Variants in KCNAB1 observed in about 807,000 individuals in gnomAD.
The protein encoded by KCNAB1 is voltage-gated potassium channel subunit beta-1.
Under a neutral mutation model 64.6 loss-of-function variants are expected in KCNAB1, and 35 were observed. The ratio of observed to expected loss-of-function variants is 0.54; its 90% CI spans 0.41 to 0.72. KCNAB1 has a LOEUF of 0.72. KCNAB1 is among the 30% of genes least tolerant of loss of function. The pLI, the probability that KCNAB1 is intolerant of heterozygous loss-of-function variation, is 0.00. For missense variants in KCNAB1, 401 were observed against 512.9 expected (o/e 0.78, Z 2.11); for synonymous variants, 177 against 183.8 (o/e 0.96, Z 0.30).
At chr3:156,328,106 G>C (rs562364984) in intron 1 of KCNAB1, among the ~76,000 whole-genome samples, 1 of 152,208 alleles carries the variant, frequency 6.6e-6, no homozygotes, top group Non-Finnish European at 1.5e-5. Flanking sequence ...ATTTAGGCAA[G>C]AACAACATGG....
Position 156,225,005 on chromosome 3 carries a change from G to A in KCNAB1, c.275+104119G>A, listed in dbSNP as rs1056417700. ...GTATCAGACATTCAAAGAAGAATTG[G>A]TACCAATCCTATTGACACTATTCCA... On this transcript the variant is annotated intron_variant, in intron 1 of 13. Coordinates refer to ENST00000490337, the MANE Select transcript of KCNAB1 (RefSeq NM_172160.3). Among the ~76,000 whole-genome samples, 8 of 152,076 alleles carry A rather than the reference G, an allele frequency of 5.3e-5. No individual in the cohort carries two copies. The South Asian group carries it at 1.5e-3, about 28-fold the overall frequency.
intron 1 of KCNAB1, among the ~76,000 whole-genome samples, chr3:156,246,620 A>G (rs1050528190): frequency 3.6e-5 from 5 of 139,738 alleles, no homozygotes; most frequent in Non-Finnish European, 7.7e-5. Context: ...AAAAAAGTTA[A>G]TAAAAAAAAG....
intron 1 of KCNAB1, among the ~76,000 whole-genome samples, chr3:156,147,490 C>A (rs1715107107): frequency 6.6e-6 from 1 of 152,106 alleles, no homozygotes; most frequent in South Asian, 2.1e-4. Context: ...ATATTGGCCA[C>A]TTTGGGCTAT....
At chr3:156,480,840 A>G (rs1170429839) in intron 8 of KCNAB1, among the ~76,000 whole-genome samples, 1 of 152,114 alleles carries the variant, frequency 6.6e-6, no homozygotes, top group Non-Finnish European at 1.5e-5. Flanking sequence ...TATAAACCAT[A>G]TTCCCAGTCT....
chr3:156,476,310 C>T (rs1456178707), intron 8 of KCNAB1, among the ~76,000 whole-genome samples: 1 of 151,974 alleles, frequency 6.6e-6, no homozygotes, highest in Non-Finnish European at 1.5e-5. Context: ...CCACTCTTCC[C>T]CCCAAGTCCC....
chr3:156,490,641 A>G (rs958894776), intron 8 of KCNAB1, among the ~76,000 whole-genome samples: 1 of 152,174 alleles, frequency 6.6e-6, no homozygotes, highest in African/African-American at 2.4e-5. Flanking sequence ...TTGAGAAAAT[A>G]TTCCAGAAAG....
At chr3:156,291,160 A>C in intron 1 of KCNAB1, 1 of 985,480 alleles carries the variant, frequency 1.0e-6, no homozygotes. Flanking sequence ...TTCCCATCGC[A>C]CACAAAGGCA....
intron 1 of KCNAB1, among the ~76,000 whole-genome samples, chr3:156,312,070 T>C (rs1721946429): frequency 6.6e-6 from 1 of 152,236 alleles, no homozygotes; most frequent in Admixed American, 6.5e-5. Context: ...TCCCCCAACC[T>C]TGCCTTGAAA....
intron 7 of KCNAB1, among the ~76,000 whole-genome samples, chr3:156,474,044 T>A (rs183678427): frequency 4.0e-4 from 61 of 152,328 alleles, no homozygotes; most frequent in Middle Eastern, 3.4e-3. Context: ...CCTTTTTAAG[T>A]TCTTATTCTC....
intron 13 of KCNAB1, among the ~76,000 whole-genome samples, chr3:156,534,064 T>C (rs1401801004): frequency 2.0e-5 from 3 of 152,104 alleles, no homozygotes; most frequent in Non-Finnish European, 4.4e-5. Flanking sequence ...ATTGCGGGCT[T>C]ACCAATCCTC....
chr3:156,153,700 C>G (rs374085305), intron 1 of KCNAB1, among the ~76,000 whole-genome samples: 1 of 152,196 alleles, frequency 6.6e-6, no homozygotes, highest in Non-Finnish European at 1.5e-5. Context: ...TCTGAGACAT[C>G]GGTCTATTTC....
intron 1 of KCNAB1, among the ~76,000 whole-genome samples, chr3:156,364,372 CA>C (rs1222693855): frequency 1.3e-5 from 2 of 152,114 alleles, no homozygotes; most frequent in Non-Finnish European, 1.5e-5. Flanking sequence ...AGCATGAAAC[CA>C]AGTCCTTTGA....
intron 1 of KCNAB1, among the ~76,000 whole-genome samples, chr3:156,124,802 G>C (rs1331799299): frequency 1.3e-5 from 2 of 151,876 alleles, no homozygotes; most frequent in African/African-American, 2.4e-5. Flanking sequence ...ACTTTTCCGG[G>C]TCTCAATTTC....
intron 2 of KCNAB1, among the ~76,000 whole-genome samples, chr3:156,443,924 T>C (rs868805735): frequency 1.9e-4 from 29 of 152,276 alleles, no homozygotes; most frequent in Middle Eastern, 3.4e-3. Flanking sequence ...TGTGAAAGCA[T>C]CCCACCCCTC....
At position 156,383,883 on chromosome 3, in the gene KCNAB1, C is replaced by T. The variant is rs143396309; in HGVS notation, c.276-37733C>T. Among the ~76,000 whole-genome samples the T allele has an allele frequency of 7.9e-3, 1,202 of 152,270 alleles. 21 individuals carry two copies. Among genetic ancestry groups the T allele is most frequent in the African/African-American group, 0.027 (1,138 of 41,544 alleles). ...TGAGCCTCGCAGCTCTGCCACTTGA[C>T]GGCATCCAGGTTTCCAGACGCTGGC... On this transcript the variant is annotated intron_variant, in intron 1 of 13. Transcript: ENST00000490337.
At chr3:156,198,707 A>G (rs1275016034) in intron 1 of KCNAB1, among the ~76,000 whole-genome samples, 2 of 135,238 alleles carry the variant, frequency 1.5e-5, no homozygotes, top group Non-Finnish European at 3.1e-5. Flanking sequence ...TGCACATGAG[A>G]TGGGTCTCCT....
chr3:156,473,773 A>G (rs182234610), intron 7 of KCNAB1, among the ~76,000 whole-genome samples: 3 of 152,326 alleles, frequency 2.0e-5, no homozygotes, highest in Admixed American at 2.0e-4. Context: ...AATTAATTTT[A>G]TGCCTATAAT....
At chr3:156,492,856 A>T (rs1330905517) in intron 8 of KCNAB1, among the ~76,000 whole-genome samples, 1 of 152,160 alleles carries the variant, frequency 6.6e-6, no homozygotes, top group Admixed American at 6.5e-5. Context: ...TTATTGAGAA[A>T]TACAGAGCTT....
At chr3:156,457,404 G>A in intron 3 of KCNAB1, 49 bp from the exon 4 acceptor site, 1 of 1,612,218 alleles carries the variant, frequency 6.2e-7, no homozygotes, top group Non-Finnish European at 8.5e-7. Flanking sequence ...TTGCTTCCAG[G>A]TTTGGAAAGC....
Sources: gnomAD v4.1 joint callset for allele counts (sites outside exome capture counted in the v4.1 genomes callset) on GRCh38, gnomAD v4.1.1 for gene constraint, MANE v1.5 for transcripts, NCBI Gene and HGNC (gene_info 2026-07-23, HGNC 2026-07-21) for gene names.